The following GSG1L variants were observed in gnomAD, a reference collection of about 807,000 sequenced individuals.
GSG1L encodes germ cell-specific gene 1-like protein.
Under a neutral mutation model 42.1 loss-of-function variants are expected in GSG1L, and 24 were observed. The observed-to-expected ratio is 0.57, with a 90% CI of 0.41 to 0.80. The LOEUF (loss-of-function observed/expected upper bound fraction) is 0.80, where lower values mean the gene tolerates loss of function less well. Ranked by LOEUF, GSG1L falls within the 30% of genes least tolerant of loss-of-function variation. GSG1L has a pLI of 0.00. For missense variants in GSG1L, 445 were observed against 472.2 expected (o/e 0.94, Z 0.53); for synonymous variants, 215 against 203.5 (o/e 1.06, Z -0.48).
At chr16:28,030,046 G>A (rs1036275453) in intron 1 of GSG1L, among the ~76,000 whole-genome samples, 23 of 152,208 alleles carry the variant, frequency 1.5e-4, no homozygotes, top group African/African-American at 4.8e-4. Context: ...GGCCAGAGAA[G>A]GGCCTCTTCA....
intron 2 of GSG1L, among the ~76,000 whole-genome samples, chr16:27,954,662 TTTTG>T (rs1385826523): frequency 1.3e-5 from 2 of 152,170 alleles, no homozygotes; most frequent in East Asian, 3.9e-4. Flanking sequence ...TTTTGTTTCA[TTTTG>T]TTTTTGAGAC....
rs8060872 is a variant in GSG1L at position 28,040,016 on chromosome 16, A to T, written c.349+23060T>A. Reference sequence around the variant, plus strand: ...TCACCCACCAGCTTCTGGAGCCAAAACCCTAAGGGAGACCCCTGACTCCTC... The same window carrying T: ...TCACCCACCAGCTTCTGGAGCCAAATCCCTAAGGGAGACCCCTGACTCCTC... On this transcript the variant is annotated intron_variant, in intron 1 of 6. Transcript: ENST00000447459. The surrounding 1 kb of genome is among the most constrained non-coding windows in gnomAD (Gnocchi z 4.1). Among the ~76,000 whole-genome samples the T allele has an allele frequency of 0.22, 33,447 of 151,616 alleles. 4,711 individuals are homozygous for T. Among genetic ancestry groups the T allele is most frequent in the East Asian group, 0.35 (1,788 of 5,154 alleles).
intron 2 of GSG1L, among the ~76,000 whole-genome samples, chr16:27,927,419 G>A (rs1280898124): frequency 6.6e-6 from 1 of 152,114 alleles, no homozygotes; most frequent in African/African-American, 2.4e-5. Context: ...GAATCCTTCA[G>A]TGACTCCCGT....
chr16:27,888,994 A>AT (rs60366966), intron 2 of GSG1L, among the ~76,000 whole-genome samples: 9,892 of 151,194 alleles, frequency 0.065, 440 homozygotes, highest in Admixed American at 0.11. Flanking sequence ...AGATATATAG[A>AT]TTTTTTTTGA....
chr16:27,951,272 A>G (rs2084948120), intron 2 of GSG1L, among the ~76,000 whole-genome samples: 1 of 152,216 alleles, frequency 6.6e-6, no homozygotes. Flanking sequence ...GATGGTGGAC[A>G]GTTCCCAACC....
At chr16:28,032,057 C>A (rs1012784191) in intron 1 of GSG1L, among the ~76,000 whole-genome samples, 2 of 152,242 alleles carry the variant, frequency 1.3e-5, no homozygotes. Context: ...CACAGGGGAA[C>A]TGTATCTCTT....
At chr16:28,017,413 G>A (rs1398247856) in intron 1 of GSG1L, among the ~76,000 whole-genome samples, 11 of 152,168 alleles carry the variant, frequency 7.2e-5, no homozygotes, top group Non-Finnish European at 5.9e-5. Flanking sequence ...ACTTCTTGGC[G>A]TTATCTAATG....
rs546406445 is a variant in GSG1L, at chr16:27,928,709, G to C, written c.397+34447C>G. Among the ~76,000 whole-genome samples, 5 of 152,270 alleles carry C rather than the reference G, an allele frequency of 3.3e-5. No individual in the cohort carries two copies. The South Asian group carries it at 1.0e-3, about 32-fold the overall frequency. On this transcript the variant is annotated intron_variant, in intron 2 of 6. Coordinates refer to ENST00000447459, the MANE Select transcript of GSG1L (RefSeq NM_001109763.2). ...GTCGCCAAGCAGGCCCAGGCCTCGG[G>C]AGAGGGAGTTTAACCTGTGTGGCTT...
intron 3 of GSG1L, among the ~76,000 whole-genome samples, chr16:27,862,169 G>A (rs1421061295): frequency 4.6e-5 from 7 of 152,158 alleles, no homozygotes; most frequent in Admixed American, 1.3e-4. Context: ...TAGGATGTAC[G>A]TGACTATGTT....
intron 5 of GSG1L, 107 bp downstream of exon 5, chr16:27,828,682 G>A: frequency 9.3e-7 from 1 of 1,079,180 alleles, no homozygotes; most frequent in South Asian, 1.5e-5. Flanking sequence ...TAACCCCTCT[G>A]TCATACCATT....
At chr16:28,037,154 T>C (rs903433190) in intron 1 of GSG1L, among the ~76,000 whole-genome samples, 1 of 152,150 alleles carries the variant, frequency 6.6e-6, no homozygotes, top group Non-Finnish European at 1.5e-5. Context: ...GGCCTCTGAA[T>C]AGCTGGGATT....
At chr16:27,888,318 G>C (rs370080748) in intron 2 of GSG1L, among the ~76,000 whole-genome samples, 1 of 152,218 alleles carries the variant, frequency 6.6e-6, no homozygotes, top group African/African-American at 2.4e-5. Context: ...GGGATGCTCC[G>C]GAAGTAACTT....
intron 1 of GSG1L, among the ~76,000 whole-genome samples, chr16:27,996,951 A>G (rs1436476866): frequency 1.3e-5 from 2 of 152,094 alleles, no homozygotes; most frequent in East Asian, 3.9e-4. Context: ...TAGTACAGAC[A>G]GGGTTTCGCC....
At chr16:27,956,013 C>T (rs2085001124) in intron 2 of GSG1L, among the ~76,000 whole-genome samples, 1 of 152,030 alleles carries the variant, frequency 6.6e-6, no homozygotes, top group Non-Finnish European at 1.5e-5. Context: ...TATAATTAGC[C>T]AGTTGTCTTT....
intron 1 of GSG1L, among the ~76,000 whole-genome samples, chr16:27,978,466 G>A (rs1469899140): frequency 1.3e-5 from 2 of 151,844 alleles, no homozygotes; most frequent in South Asian, 2.1e-4. Flanking sequence ...GCCAAGGTGG[G>A]CGGATCACGA....
chr16:27,909,532 G>A (rs969931628), intron 2 of GSG1L, among the ~76,000 whole-genome samples: 2 of 150,930 alleles, frequency 1.3e-5, no homozygotes, highest in East Asian at 2.0e-4. Context: ...GATTACAGGC[G>A]TGAGCCACCA....
At position 27,859,434 on chromosome 16, in the gene GSG1L, C is replaced by T. The variant is rs375121582; in HGVS notation, c.551-14373G>A. Among the ~76,000 whole-genome samples the T allele has an allele frequency of 5.3e-5, 8 of 152,304 alleles. 1 individual carries two copies. The East Asian group carries it at 5.8e-4, about 11-fold the overall frequency. Reference sequence around the variant, plus strand: ...CACCATGCCCTAGTCCATCCTCCGGCGAGTGCTAAGAGCTCCATCAGGGTA... The same window carrying T: ...CACCATGCCCTAGTCCATCCTCCGGTGAGTGCTAAGAGCTCCATCAGGGTA... On this transcript the variant is annotated intron_variant, in intron 3 of 6. Transcript: ENST00000447459.
At chr16:27,831,975 G>T (rs982739466) in intron 4 of GSG1L, among the ~76,000 whole-genome samples, 1 of 151,996 alleles carries the variant, frequency 6.6e-6, no homozygotes, top group Non-Finnish European at 1.5e-5. Context: ...TTGCCCAGCT[G>T]GTCCCTTCTC....
chr16:27,972,113 A>T (rs1015325471), intron 1 of GSG1L, among the ~76,000 whole-genome samples: 1 of 152,222 alleles, frequency 6.6e-6, no homozygotes, highest in Non-Finnish European at 1.5e-5. Context: ...GGGTGTCCTG[A>T]AAGAAATCTC....
Sources: gnomAD v4.1 joint callset for allele counts (sites outside exome capture counted in the v4.1 genomes callset) on GRCh38, gnomAD v4.1.1 for gene constraint, Gnocchi (gnomAD v3.1) non-coding constraint, MANE v1.5 for transcripts, NCBI Gene and HGNC (gene_info 2026-07-23, HGNC 2026-07-21) for gene names.